KRABD5: variants seen among roughly 807,000 people sequenced by gnomAD.
KRABD5 encodes KRAB domain containing 5.
At chr16:31,730,555 A>G in the KRABD5 span, among the ~76,000 whole-genome samples, 4 of 152,186 alleles carry the variant, frequency 2.6e-5, no homozygotes, top group Admixed American at 1.3e-4. Context: ...TCTTCTTGCC[A>G]TGGGTATTTT....
chr16:31,728,680 C>A, the KRABD5 span, among the ~76,000 whole-genome samples: 1 of 152,014 alleles, frequency 6.6e-6, no homozygotes, highest in Admixed American at 6.6e-5. Flanking sequence ...AATCTTTATA[C>A]ATTTGAAAAG....
the KRABD5 span, among the ~76,000 whole-genome samples, chr16:31,716,874 T>C: frequency 1.3e-5 from 2 of 152,314 alleles, no homozygotes; most frequent in African/African-American, 4.8e-5. Flanking sequence ...TTTCTCTCCT[T>C]CTTTTTCTTG....
At chr16:31,746,583 A>C in the KRABD5 span, among the ~76,000 whole-genome samples, 1 of 152,030 alleles carries the variant, frequency 6.6e-6, no homozygotes, top group Non-Finnish European at 1.5e-5. Context: ...GAATCTGATG[A>C]GTATGTGTCT....
chr16:31,750,082 G>A, the KRABD5 span, among the ~76,000 whole-genome samples: 5,541 of 152,168 alleles, frequency 0.036, 271 homozygotes, highest in East Asian at 0.11. Context: ...GAAAAATGAC[G>A]TTGGTAGTTT....
At chr16:31,714,020 A>G in the KRABD5 span, among the ~76,000 whole-genome samples, 2 of 152,214 alleles carry the variant, frequency 1.3e-5, no homozygotes, top group Non-Finnish European at 2.9e-5. Flanking sequence ...TTTCCACAGA[A>G]AGTGTGCTAG....
the KRABD5 span, chr16:31,754,238 T>G: frequency 1.5e-6 from 1 of 650,060 alleles, no homozygotes; most frequent in Non-Finnish European, 2.7e-6. Flanking sequence ...TTTCTAAATA[T>G]GATCAATTTG....
the KRABD5 span, among the ~76,000 whole-genome samples, chr16:31,751,168 GTATGCTGCTGGA>G: frequency 6.6e-6 from 1 of 152,194 alleles, no homozygotes; most frequent in East Asian, 1.9e-4. Context: ...TTAACTTTGA[GTATGCTGCTGGA>G]TTTGGCTTGC....
the KRABD5 span, chr16:31,758,599 C>A: frequency 2.0e-5 from 3 of 151,424 alleles, no homozygotes; most frequent in Non-Finnish European, 2.9e-5. Context: ...CATGGTGAAA[C>A]CCCGTCTCTA....
chr16:31,754,629 A>AATGT, the KRABD5 span: 1 of 467,570 alleles, frequency 2.1e-6, no homozygotes, highest in Non-Finnish European at 4.3e-6. Context: ...AAGTCTGCCA[A>AATGT]ATGTAATAAG....
the KRABD5 span, chr16:31,756,690 A>G: frequency 1.3e-5 from 2 of 152,202 alleles, no homozygotes; most frequent in Admixed American, 1.3e-4. Flanking sequence ...CATACTTTTA[A>G]AATCCTGAAT....
chr16:31,734,235 C>CT, the KRABD5 span, among the ~76,000 whole-genome samples: 167 of 139,072 alleles, frequency 1.2e-3, no homozygotes, highest in Middle Eastern at 3.7e-3. Flanking sequence ...TCTCTTCTAA[C>CT]TTTTTTTTTT....
the KRABD5 span, among the ~76,000 whole-genome samples, chr16:31,722,096 C>T: frequency 7.9e-5 from 12 of 152,018 alleles, no homozygotes; most frequent in East Asian, 1.9e-4. Context: ...TTTTTTGAGA[C>T]GGAATTTCGC....
chr16:31,722,811 T>A, the KRABD5 span: 2 of 1,484,726 alleles, frequency 1.3e-6, no homozygotes, highest in Non-Finnish European at 1.8e-6. Flanking sequence ...TTTATTTCTT[T>A]CCTTTGTAGA....
At chr16:31,737,964 T>C in the KRABD5 span, among the ~76,000 whole-genome samples, 3 of 152,110 alleles carry the variant, frequency 2.0e-5, no homozygotes, top group Non-Finnish European at 4.4e-5. Context: ...AACAAAAGTG[T>C]GTTTGAGAGT....
chr16:31,727,619 A>G, the KRABD5 span, among the ~76,000 whole-genome samples: 2 of 152,222 alleles, frequency 1.3e-5, no homozygotes, highest in East Asian at 3.8e-4. Flanking sequence ...TCACCCATGA[A>G]TTCATTTGGT....
chr16:31,729,933 T>C, the KRABD5 span, among the ~76,000 whole-genome samples: 1 of 152,150 alleles, frequency 6.6e-6, no homozygotes, highest in Admixed American at 6.5e-5. Context: ...TCACACATTT[T>C]ATACTATATA....
chr16:31,754,053 A>T, the KRABD5 span: 36 of 907,900 alleles, frequency 4.0e-5, no homozygotes, highest in African/African-American at 5.6e-4. Context: ...TTCTGTAAGT[A>T]AGTGTCAACA....
the KRABD5 span, among the ~76,000 whole-genome samples, chr16:31,734,049 T>G: frequency 6.6e-6 from 1 of 152,188 alleles, no homozygotes; most frequent in Non-Finnish European, 1.5e-5. Flanking sequence ...GTTTTATATT[T>G]ATAGGTTTTA....
chr16:31,745,403 C>T, the KRABD5 span, among the ~76,000 whole-genome samples: 1 of 152,036 alleles, frequency 6.6e-6, no homozygotes, highest in Non-Finnish European at 1.5e-5. Flanking sequence ...GGAGCAGGTT[C>T]TTCAATTTCC....
Sources: allele counts gnomAD v4.1 joint callset (sites outside exome capture counted in the v4.1 genomes callset), GRCh38; gene constraint gnomAD v4.1.1; transcripts MANE v1.5; gene names NCBI Gene and HGNC (gene_info 2026-07-23, HGNC 2026-07-21).